The following CDH12 variants were observed in gnomAD, a reference collection of about 807,000 sequenced individuals.
CDH12 encodes the protein cadherin-12.
In CDH12, 41 loss-of-function variants were observed where a neutral mutation model predicts 74.1. The ratio of observed to expected loss-of-function variants is 0.55; its 90% CI spans 0.43 to 0.72. The LOEUF is 0.72. Among genes scored for constraint, CDH12 ranks in the 30% least tolerant of loss-of-function variants. CDH12 has a pLI of 0.00. For synonymous variants in CDH12, 399 were observed against 355.0 expected (o/e 1.12, Z -1.39); for missense variants, 945 against 977.2 (o/e 0.97, Z 0.44).
chr5:22,810,424 A>AT (rs922895924), intron 1 of CDH12, among the ~76,000 whole-genome samples: 8 of 151,436 alleles, frequency 5.3e-5, no homozygotes, highest in East Asian at 1.9e-4. Context: ...TTCTCACATC[A>AT]TTTTTTTTTA....
intron 14 of CDH12, among the ~76,000 whole-genome samples, chr5:21,754,632 C>T (rs573643787): frequency 2.0e-5 from 3 of 152,250 alleles, no homozygotes; most frequent in Admixed American, 6.5e-5. Flanking sequence ...TACCATATAA[C>T]GCGTTACTCC....
chr5:21,892,077 C>A (rs1248343839), intron 6 of CDH12, among the ~76,000 whole-genome samples: 2 of 151,988 alleles, frequency 1.3e-5, no homozygotes, highest in African/African-American at 4.8e-5. Context: ...CTTGGACTTC[C>A]AGTTAATAAA....
chr5:22,641,170 C>G (rs1739129403), intron 1 of CDH12, among the ~76,000 whole-genome samples: 1 of 152,164 alleles, frequency 6.6e-6, no homozygotes, highest in African/African-American at 2.4e-5. Context: ...TGTCTGCAAA[C>G]TGAAGCCCCT....
chr5:22,125,076 A>T (rs1366001100), intron 4 of CDH12, among the ~76,000 whole-genome samples: 3 of 152,086 alleles, frequency 2.0e-5, no homozygotes, highest in African/African-American at 7.2e-5. Flanking sequence ...TATATTTTCA[A>T]GATTCGGGGT....
At chr5:22,330,900 C>T (rs1739322985) in intron 3 of CDH12, among the ~76,000 whole-genome samples, 1 of 152,028 alleles carries the variant, frequency 6.6e-6, no homozygotes. Flanking sequence ...CTGGACATAC[C>T]ATGGGCCAAA....
rs538588806 is a variant in CDH12 at position 22,202,497 on chromosome 5, T to G, written c.-187+10001A>C. ...GCCAGAGTTAACCCTTAGTGTTCTA[T>G]CTCTGAAATAAAAAGCTCAGAAGTT... On this transcript the variant is annotated intron_variant, in intron 4 of 14. Transcript: ENST00000382254. Among the ~76,000 whole-genome samples the G allele has an allele frequency of 2.0e-4, 31 of 152,292 alleles. No homozygotes were observed. In the South Asian group the frequency reaches 6.0e-3, roughly 30 times the overall value.
intron 6 of CDH12, among the ~76,000 whole-genome samples, chr5:21,865,826 A>T (rs1751296658): frequency 6.6e-6 from 1 of 152,176 alleles, no homozygotes; most frequent in African/African-American, 2.4e-5. Flanking sequence ...AGCCCCAGCT[A>T]TGGCAATGCC....
chr5:22,810,812 G>A lies in CDH12; in HGVS notation c.-523+42246C>T, dbSNP rs573836261. ...AGCAGAGGATCACTTGAGCCCAGAA[G>A]TTTGAGAGTGCAGTGGGCTATGATC... is the stretch of plus-strand genomic sequence containing the variant. On this transcript the variant is annotated intron_variant, in intron 1 of 14. Transcript: ENST00000382254. Among the ~76,000 whole-genome samples, 5 of 152,206 alleles carry A rather than the reference G, an allele frequency of 3.3e-5. No homozygotes were observed. In the East Asian group the frequency reaches 9.7e-4, roughly 29 times the overall value.
intron 4 of CDH12, among the ~76,000 whole-genome samples, chr5:22,100,408 G>C (rs1027535495): frequency 2.6e-5 from 4 of 152,110 alleles, no homozygotes; most frequent in Non-Finnish European, 5.9e-5. Flanking sequence ...TTAAGCAAGA[G>C]AGAAACATTT....
intron 2 of CDH12, among the ~76,000 whole-genome samples, chr5:22,492,980 T>A (rs915323959): frequency 1.3e-5 from 2 of 152,194 alleles, no homozygotes; most frequent in Non-Finnish European, 2.9e-5. Flanking sequence ...AGATATCATA[T>A]CCTTTCTCAA....
chr5:22,558,495 G>A (rs963135837), intron 1 of CDH12, among the ~76,000 whole-genome samples: 1 of 152,022 alleles, frequency 6.6e-6, no homozygotes, highest in African/African-American at 2.4e-5. Flanking sequence ...TCTGCCATAC[G>A]CAGAGTGAAC....
chr5:22,229,984 CTATTAATAAA>C (rs1752328953), intron 3 of CDH12, among the ~76,000 whole-genome samples: 1 of 151,886 alleles, frequency 6.6e-6, no homozygotes, highest in Non-Finnish European at 1.5e-5. Flanking sequence ...AAAATGACGT[CTATTAATAAA>C]TAGTGAGAGT....
intron 5 of CDH12, among the ~76,000 whole-genome samples, chr5:22,016,777 T>A (rs1737636844): frequency 6.6e-6 from 1 of 152,166 alleles, no homozygotes; most frequent in African/African-American, 2.4e-5. Context: ...AGTTCTACTC[T>A]AGTGGTTTAT....
intron 6 of CDH12, among the ~76,000 whole-genome samples, chr5:21,949,893 G>GT (rs925540120): frequency 9.2e-5 from 14 of 152,056 alleles, no homozygotes; most frequent in South Asian, 6.2e-4. Context: ...AAAGAAAGAA[G>GT]TTTTTTTTAC....
In CDH12 at chr5:22,831,361, GTGTGTGTGTC is replaced by G. The variant is rs1194198289; in HGVS notation, c.-523+21687_-523+21696del. ...TAGGGGTTTTGGAGTTTGTGTGTGT[GTGTGTGTGTC>G]TGTGTGTGTGTGTGTGTGTGTGTGT... On this transcript the variant is annotated intron_variant, in intron 1 of 14. Transcript: ENST00000382254. Among the ~76,000 whole-genome samples, 37 of 138,418 alleles carry G rather than the reference GTGTGTGTGTC, an allele frequency of 2.7e-4. No homozygotes were observed. The South Asian group carries it at 3.4e-3, about 13-fold the overall frequency. 90.8% of individuals were successfully genotyped at this position (138,418 alleles called of 152,430 possible).
At chr5:22,428,359 C>T (rs1407263639) in intron 2 of CDH12, among the ~76,000 whole-genome samples, 7 of 151,874 alleles carry the variant, frequency 4.6e-5, no homozygotes, top group Admixed American at 3.9e-4. Context: ...GGAGTATGAA[C>T]ATTAATGTTA....
rs578235244 is a variant in CDH12 at position 22,473,374 on chromosome 5, C to T, written c.-428+31896G>A. On this transcript the variant is annotated intron_variant, in intron 2 of 14. Transcript: ENST00000382254. The stretch of plus-strand genomic sequence containing the variant: ...TATCTCTCTACTCTAAGTTAAATTA[C>T]GAAAGGTATTTTGACTTTTTTAACT... 1.2e-4 allele frequency among the ~76,000 whole-genome samples: 18 copies of T among 152,166 alleles called. No individual in the cohort carries two copies. The East Asian group carries it at 2.1e-3, about 18-fold the overall frequency.
At chr5:22,720,037 A>AACAC (rs10654995) in intron 1 of CDH12, among the ~76,000 whole-genome samples, 7,166 of 148,326 alleles carry the variant, frequency 0.048, 436 homozygotes, top group African/African-American at 0.15. Flanking sequence ...ACAAAAACAC[A>AACAC]ACACACACAC....
intron 5 of CDH12, among the ~76,000 whole-genome samples, chr5:22,003,815 C>T (rs1412718987): frequency 7.9e-5 from 9 of 114,104 alleles, no homozygotes; most frequent in African/African-American, 3.2e-4. Context: ...CAGCAGGCCC[C>T]CGCTTCCACA....
Sources: gnomAD v4.1 joint callset for allele counts (sites outside exome capture counted in the v4.1 genomes callset) on GRCh38, gnomAD v4.1.1 for gene constraint, MANE v1.5 for transcripts, NCBI Gene and HGNC (gene_info 2026-07-23, HGNC 2026-07-21) for gene names.